RSRC1: variants seen among roughly 807,000 people sequenced by gnomAD.
RSRC1 encodes serine/Arginine-related protein 53.
In RSRC1, 39 loss-of-function variants were observed where a neutral mutation model predicts 49.1. The observed-to-expected ratio is 0.79, with a 90% CI of 0.61 to 1.04. The LOEUF is 1.04. Among genes scored for constraint, RSRC1 ranks in the 50% least tolerant of loss-of-function variants. The pLI is 0.00. For missense variants in RSRC1, 388 were observed against 402.4 expected (o/e 0.96, Z 0.31); for synonymous variants, 143 against 130.8 (o/e 1.09, Z -0.63).
At chr3:158,207,662 T>TAGATAGATAGATAGATAGATAGAC (rs55689613) in intron 4 of RSRC1, among the ~76,000 whole-genome samples, 12,023 of 148,880 alleles carry the variant, frequency 0.081, 578 homozygotes, top group East Asian at 0.22. Context: ...GATAGATAGA[T>TAGATAGATAGATAGATAGATAGAC]AGACAGAGAG....
chr3:158,257,158 T>C (rs138484175), intron 4 of RSRC1, among the ~76,000 whole-genome samples: 96 of 152,290 alleles, frequency 6.3e-4, no homozygotes, highest in African/African-American at 2.3e-3. Context: ...CTTTTAATTG[T>C]GATGTTAGGG....
In RSRC1 at chr3:158,331,836, T is replaced by A. The variant is rs912160334; in HGVS notation, c.532-23021T>A. ...TGGTATAGTGGTCTTTTTTTTTTTT[T>A]AAGTATAAGTGGGTGTTAATCATGT... On this transcript the variant is annotated intron_variant, in intron 5 of 9. Coordinates refer to ENST00000611884, the MANE Select transcript of RSRC1 (RefSeq NM_001271838.2). Among the ~76,000 whole-genome samples, 9 of 151,142 alleles carry A rather than the reference T, an allele frequency of 6.0e-5. No individual in the cohort carries two copies. The East Asian group carries it at 1.5e-3, about 26-fold the overall frequency.
At chr3:158,395,013 C>A (rs189239892) in intron 6 of RSRC1, among the ~76,000 whole-genome samples, 186 of 151,984 alleles carry the variant, frequency 1.2e-3, no homozygotes, top group African/African-American at 4.2e-3. Context: ...ATAGAGAGCC[C>A]AGAAATAAAG....
intron 3 of RSRC1, among the ~76,000 whole-genome samples, chr3:158,176,040 G>T (rs113908887): frequency 1.1e-3 from 169 of 152,040 alleles, no homozygotes; most frequent in East Asian, 9.7e-4. Flanking sequence ...ATGAGTGAAC[G>T]TCCATTCACT....
chr3:158,455,668 A>G (rs1737270289), intron 6 of RSRC1, among the ~76,000 whole-genome samples: 1 of 151,984 alleles, frequency 6.6e-6, no homozygotes, highest in Non-Finnish European at 1.5e-5. Context: ...TCTTTTCTGA[A>G]AGGAGACTTC....
At chr3:158,158,724 G>T (rs1459882833) in intron 3 of RSRC1, among the ~76,000 whole-genome samples, 1 of 152,088 alleles carries the variant, frequency 6.6e-6, no homozygotes, top group Non-Finnish European at 1.5e-5. Context: ...TGGATCACTT[G>T]AGGTCAGGAG....
intron 7 of RSRC1, among the ~76,000 whole-genome samples, chr3:158,498,436 C>T (rs532890560): frequency 1.3e-5 from 2 of 151,966 alleles, no homozygotes; most frequent in Admixed American, 6.6e-5. Flanking sequence ...TGTTTTCTTA[C>T]TGATTTGAGT....
intron 7 of RSRC1, among the ~76,000 whole-genome samples, chr3:158,507,806 C>T (rs1249641353): frequency 7.2e-5 from 11 of 152,120 alleles, no homozygotes; most frequent in African/African-American, 2.4e-4. Context: ...GGTATGATGG[C>T]TCACTCTTAT....
intron 6 of RSRC1, among the ~76,000 whole-genome samples, chr3:158,458,947 A>G: frequency 6.6e-6 from 1 of 152,220 alleles, no homozygotes; most frequent in African/African-American, 2.4e-5. Context: ...CTTAATAGTC[A>G]ATGAGGAGTT....
At chr3:158,273,535 G>A (rs1402955486) in intron 4 of RSRC1, among the ~76,000 whole-genome samples, 3 of 151,782 alleles carry the variant, frequency 2.0e-5, no homozygotes, top group Non-Finnish European at 4.4e-5. Context: ...CCATTCTATC[G>A]CAATGGCTTT....
At chr3:158,433,425 A>G (rs1735883020) in intron 6 of RSRC1, among the ~76,000 whole-genome samples, 1 of 151,986 alleles carries the variant, frequency 6.6e-6, no homozygotes, top group African/African-American at 2.4e-5. Context: ...ATGCTACAGT[A>G]CAATGCTTCT....
chr3:158,214,823 G>T (rs984361890), intron 4 of RSRC1, among the ~76,000 whole-genome samples: 1 of 151,670 alleles, frequency 6.6e-6, no homozygotes, highest in Non-Finnish European at 1.5e-5. Context: ...AATTAGTTAA[G>T]GTTATTTTTA....
chr3:158,116,500 T>A (rs1156229657), intron 1 of RSRC1, among the ~76,000 whole-genome samples: 1 of 152,166 alleles, frequency 6.6e-6, no homozygotes, highest in East Asian at 1.9e-4. Context: ...TGATTTTTAC[T>A]GCTTTATTGA....
chr3:158,242,299 G>A (rs2176890), intron 4 of RSRC1, among the ~76,000 whole-genome samples: 18,361 of 151,876 alleles, frequency 0.12, 1,375 homozygotes, highest in Middle Eastern at 0.2. Context: ...GAGAACATGC[G>A]ATATTTGGTT....
At position 158,440,010 on chromosome 3, in the gene RSRC1, A is replaced by G. The variant is rs940234568; in HGVS notation, c.584-20925A>G. 2.0e-5 allele frequency among the ~76,000 whole-genome samples: 3 copies of G among 151,516 alleles called. No individual in the cohort carries two copies. In the South Asian group the frequency reaches 6.3e-4, roughly 32 times the overall value. On this transcript the variant is annotated intron_variant, in intron 6 of 9. Transcript: ENST00000611884. ...AGGGAGAGCACTGGGACAAATACCT[A>G]ATGCATGCGGTGCTTAAAATCTGGA... is the stretch of plus-strand genomic sequence containing the variant.
Position 158,491,372 on chromosome 3 carries a change from G to A in RSRC1, c.652+30369G>A, listed in dbSNP as rs1299605391. Among the ~76,000 whole-genome samples the A allele has an allele frequency of 2.6e-5, 4 of 152,162 alleles. 1 individual carries two copies. Among genetic ancestry groups the A allele is most frequent in the African/African-American group, 9.6e-5 (4 of 41,452 alleles). ...GTATGGAATGATGTAAACTTGAACT[G>A]ACTTTCACAGCCAGATCACTCAATC... On this transcript the variant is annotated intron_variant, in intron 7 of 9. Coordinates refer to ENST00000611884, the MANE Select transcript of RSRC1 (RefSeq NM_001271838.2).
chr3:158,257,564 C>G (rs1489491236), intron 4 of RSRC1, among the ~76,000 whole-genome samples: 1 of 151,992 alleles, frequency 6.6e-6, no homozygotes, highest in Non-Finnish European at 1.5e-5. Context: ...GGCAGCAGAT[C>G]ATTGTGTGTT....
chr3:158,538,988 C>A (rs1342009592), intron 8 of RSRC1, among the ~76,000 whole-genome samples: 1 of 151,802 alleles, frequency 6.6e-6, no homozygotes, highest in Non-Finnish European at 1.5e-5. Flanking sequence ...ATTCAGGATG[C>A]CCAAGAAGCT....
intron 6 of RSRC1, among the ~76,000 whole-genome samples, chr3:158,448,987 T>C (rs968354889): frequency 5.9e-5 from 9 of 151,930 alleles, no homozygotes; most frequent in African/African-American, 2.2e-4. Context: ...ATTAGTGCTT[T>C]AAAAAGTAGA....
Sources: gnomAD v4.1 joint callset for allele counts (sites outside exome capture counted in the v4.1 genomes callset) on GRCh38, gnomAD v4.1.1 for gene constraint, MANE v1.5 for transcripts, NCBI Gene and HGNC (gene_info 2026-07-23, HGNC 2026-07-21) for gene names.